Variants in BUD13 observed in about 807,000 individuals in gnomAD.
The protein encoded by BUD13 is BUD13 homolog.
A neutral mutation model predicts 62.5 loss-of-function variants in BUD13; 47 were observed. The ratio of observed to expected loss-of-function variants is 0.75; its 90% CI spans 0.60 to 0.96. The LOEUF (loss-of-function observed/expected upper bound fraction) is 0.96, where lower values mean the gene tolerates loss of function less well. BUD13 is among the 40% of genes least tolerant of loss of function. The pLI is 0.00. For missense variants in BUD13, 821 were observed against 790.9 expected (o/e 1.04, Z -0.46); for synonymous variants, 293 against 280.1 (o/e 1.05, Z -0.46).
Position 116,763,281 on chromosome 11 carries a change from C to G in BUD13, c.323-15G>C. The G allele has an allele frequency of 6.6e-7, 1 of 1,521,604 alleles. No individual in the cohort carries two copies. Among genetic ancestry groups the G allele is most frequent in the Non-Finnish European group, 8.8e-7 (1 of 1,136,184 alleles). The allele number at this position is 1,521,604 out of a possible 1,614,324, so 94.3% of individuals were successfully genotyped here. A position where few individuals can be genotyped will look rare whatever the true frequency, so the allele number is the denominator to read the frequency against. On this transcript the variant is annotated splice_polypyrimidine_tract_variant and intron_variant, in intron 3 of 9. Transcript: ENST00000260210. Reference sequence around the variant, plus strand: ...TTCGTTGTGGCCTAAACACAAATAACAAAGAGTCAGATTCCCACAAATGCT... The same window carrying G: ...TTCGTTGTGGCCTAAACACAAATAAGAAAGAGTCAGATTCCCACAAATGCT...
chr11:116,750,868 T>C (rs1940220309), intron 9 of BUD13, among the ~76,000 whole-genome samples: 1 of 152,140 alleles, frequency 6.6e-6, no homozygotes, highest in Non-Finnish European at 1.5e-5. Context: ...CTCTCATCCA[T>C]CTCACGCTTT....
Position 116,762,569 on chromosome 11 carries a change from C to T in BUD13, c.1020G>A (p.Lys340=), listed in dbSNP as rs866634521. 1 of 1,610,662 alleles carries T rather than the reference C, an allele frequency of 6.2e-7. No homozygotes were observed. The highest frequency in any genetic ancestry group is 1.7e-4 in the Middle Eastern group (1 of 6,042). ...KQAKSHFGDK[K]QLDSKGDCQK... ...TATGCTCACCTTTGGAATCAAGCTGCTTCTTGTCTCCAAAATGGGATTTTG... is the reference window on the plus strand; with the variant it reads ...TATGCTCACCTTTGGAATCAAGCTGTTTCTTGTCTCCAAAATGGGATTTTG... Residue 340 remains lysine (K), a synonymous_variant, in exon 4 of 10, where the codon AAG becomes AAA. Coordinates refer to ENST00000260210, the MANE Select transcript of BUD13 (RefSeq NM_032725.4).
chr11:116,750,079 AC>A (rs2134169644), intron 9 of BUD13, among the ~76,000 whole-genome samples: 1 of 152,372 alleles, frequency 6.6e-6, no homozygotes, highest in Admixed American at 6.5e-5. Flanking sequence ...AGATGCAAAT[AC>A]TGATTTGGAA....
intron 1 of BUD13, among the ~76,000 whole-genome samples, chr11:116,770,477 C>A (rs145560740): frequency 3.3e-5 from 5 of 151,920 alleles, no homozygotes; most frequent in African/African-American, 1.2e-4. Flanking sequence ...TCTGCCTGAT[C>A]TACTCTTTTC....
chr11:116,757,042 C>T (rs926179365), intron 9 of BUD13, 104 bp downstream of exon 9: 1 of 1,110,554 alleles, frequency 9.0e-7, no homozygotes. Context: ...GCATATTTTT[C>T]ACCTTGTGAT....
intron 9 of BUD13, among the ~76,000 whole-genome samples, chr11:116,749,399 T>C (rs1940195392): frequency 6.6e-6 from 1 of 152,190 alleles, no homozygotes; most frequent in African/African-American, 2.4e-5. Context: ...ATGGGTATCT[T>C]AATCAGCTTG....
At chr11:116,756,642 G>A (rs1245172500) in intron 9 of BUD13, among the ~76,000 whole-genome samples, 1 of 152,174 alleles carries the variant, frequency 6.6e-6, no homozygotes, top group Non-Finnish European at 1.5e-5. Context: ...AACTGACTTT[G>A]GATGGAAGCA....
At chr11:116,758,933 C>T (rs1319964992) in intron 6 of BUD13, 141 bp downstream of exon 6, 11 of 656,238 alleles carry the variant, frequency 1.7e-5, no homozygotes, top group Non-Finnish European at 2.6e-5. Flanking sequence ...CTGGGATTCA[C>T]TGAGAAATTA....
At chr11:116,758,529 T>C (rs1256414154) in intron 6 of BUD13, 122 bp from the exon 7 acceptor site, 3 of 1,057,382 alleles carry the variant, frequency 2.8e-6, no homozygotes, top group Admixed American at 2.6e-5. Context: ...ACCAAAGTAG[T>C]TCCTACCAAC....
intron 9 of BUD13, among the ~76,000 whole-genome samples, chr11:116,756,770 A>T (rs1322728366): frequency 6.6e-6 from 1 of 152,152 alleles, no homozygotes; most frequent in South Asian, 2.1e-4. Flanking sequence ...CTAAAACCAT[A>T]AAGTGAATAA....
intron 2 of BUD13, among the ~76,000 whole-genome samples, chr11:116,769,746 T>A (rs968197534): frequency 1.3e-5 from 2 of 152,116 alleles, no homozygotes; most frequent in African/African-American, 2.4e-5. Context: ...TACCCTAAGC[T>A]GGAAAAATAA....
intron 9 of BUD13, among the ~76,000 whole-genome samples, chr11:116,749,804 A>T (rs1276640207): frequency 2.0e-5 from 3 of 152,212 alleles, no homozygotes; most frequent in African/African-American, 7.2e-5. Flanking sequence ...AATCACTGCA[A>T]TGGTCCAGGC....
intron 2 of BUD13, among the ~76,000 whole-genome samples, chr11:116,766,301 C>A (rs983827526): frequency 6.6e-6 from 1 of 152,182 alleles, no homozygotes; most frequent in Non-Finnish European, 1.5e-5. Context: ...TCACAATAAT[C>A]CTGTAAAGAA....
chr11:116,756,385 G>A (rs887247305), intron 9 of BUD13, among the ~76,000 whole-genome samples: 3 of 151,890 alleles, frequency 2.0e-5, no homozygotes, highest in Admixed American at 6.6e-5. Context: ...GGCAGCGGGC[G>A]CCGGTAATCC....
intron 3 of BUD13, among the ~76,000 whole-genome samples, chr11:116,764,296 T>C (rs892023748): frequency 3.3e-5 from 5 of 152,312 alleles, no homozygotes; most frequent in African/African-American, 9.6e-5. Context: ...ACTTGTTAAA[T>C]GGATGAATTA....
chr11:116,763,982 T>C (rs1184484692), intron 3 of BUD13, among the ~76,000 whole-genome samples: 1 of 152,178 alleles, frequency 6.6e-6, no homozygotes, highest in Non-Finnish European at 1.5e-5. Flanking sequence ...GTCATTTCAT[T>C]TATAGATGAG....
chr11:116,771,999 C>T (rs1415110159), intron 1 of BUD13, among the ~76,000 whole-genome samples: 5 of 152,338 alleles, frequency 3.3e-5, no homozygotes. Context: ...TGGCTTTTGG[C>T]AACATAAATC....
chr11:116,761,108 G>C (rs890415953), intron 4 of BUD13, among the ~76,000 whole-genome samples, 156 bp from the exon 5 acceptor site: 1 of 151,754 alleles, frequency 6.6e-6, no homozygotes, highest in Non-Finnish European at 1.5e-5. Flanking sequence ...CTGGAGTGCA[G>C]TGGCATGATC....
intron 9 of BUD13, among the ~76,000 whole-genome samples, chr11:116,754,678 G>T (rs1940295065): frequency 6.6e-6 from 1 of 152,098 alleles, no homozygotes; most frequent in Non-Finnish European, 1.5e-5. Context: ...CTGAGATTAG[G>T]AACAAAGCAA....
Sources: allele counts gnomAD v4.1 joint callset (sites outside exome capture counted in the v4.1 genomes callset), GRCh38; gene constraint gnomAD v4.1.1; transcripts MANE v1.5; gene names NCBI Gene and HGNC (gene_info 2026-07-23, HGNC 2026-07-21).